ZNF621: variants seen among roughly 807,000 people sequenced by gnomAD.
ZNF621 encodes zinc finger protein 621.
In ZNF621, 6 loss-of-function variants were observed where a neutral mutation model predicts 12.7. The ratio of observed to expected loss-of-function variants is 0.47; its 90% CI spans 0.26 to 0.93. The LOEUF (loss-of-function observed/expected upper bound fraction) is 0.93. Ranked by LOEUF, ZNF621 falls within the 40% of genes least tolerant of loss-of-function variation. The pLI is 0.15. For missense variants in ZNF621, 474 were observed against 524.0 expected (o/e 0.90, Z 0.93); for synonymous variants, 156 against 190.3 (o/e 0.82, Z 1.48).
rs1367240361 is a variant in ZNF621, at chr3:40,533,198, T to TG, written c.*110dup. ...CTCTGTCACCCAGGCTAGAGTGCGG[T>TG]GGTGTGATCTTGGCTCACTGCAACC... is the stretch of plus-strand genomic sequence containing the variant. On this transcript the variant is annotated 3_prime_UTR_variant, in exon 5 of 5. Coordinates refer to ENST00000339296, the MANE Select transcript of ZNF621 (RefSeq NM_198484.5). The TG allele has an allele frequency of 1.4e-6, 2 of 1,453,858 alleles. No homozygotes were observed. The highest frequency in any genetic ancestry group is 2.9e-5 in the African/African-American group (2 of 70,026). The allele number at this position is 1,453,858 out of a possible 1,614,324, so 90.1% of individuals were successfully genotyped here.
chr3:40,530,913 C>T (rs950097951), intron 4 of ZNF621, among the ~76,000 whole-genome samples: 2 of 152,192 alleles, frequency 1.3e-5, no homozygotes, highest in East Asian at 1.9e-4. Flanking sequence ...CATGCACACA[C>T]GCACATGTGC....
At chr3:40,530,549 G>C (rs1698699982) in intron 4 of ZNF621, among the ~76,000 whole-genome samples, 2 of 152,182 alleles carry the variant, frequency 1.3e-5, no homozygotes, top group African/African-American at 4.8e-5. Flanking sequence ...AGGCAGAAAA[G>C]CTGTGACCCA....
chr3:40,523,800 A>AAAAAAACC (rs1553659373), upstream of ZNF621, among the ~76,000 whole-genome samples: 14 of 147,676 alleles, frequency 9.5e-5, no homozygotes. Flanking sequence ...AGCAAAAAAA[A>AAAAAAACC]AAAAAACAAA....
At position 40,533,428 on chromosome 3, in the gene ZNF621, AC is replaced by A. The variant is rs1373246538; in HGVS notation, c.*339del. 3.9e-6 allele frequency: 1 copy of A among 258,662 alleles called. No individual in the cohort carries two copies. The allele number at this position is 258,662 out of a possible 1,614,324, so 16.0% of individuals were successfully genotyped here. On this transcript the variant is annotated 3_prime_UTR_variant, in exon 5 of 5. Transcript: ENST00000339296. Reference sequence around the variant, plus strand: ...AGTGCTGGGATTACAGGAGTGAGCCACTGTGCCCAGCCTCCAACCTAATTTG... The same window carrying A: ...AGTGCTGGGATTACAGGAGTGAGCCATGTGCCCAGCCTCCAACCTAATTTG...
rs1024573953 is a variant in ZNF621, at chr3:40,536,821, G to A, written c.*3731G>A. 1 of 152,070 alleles carries A rather than the reference G, an allele frequency of 6.6e-6. No homozygotes were observed. Among genetic ancestry groups the A allele is most frequent in the African/African-American group, 2.4e-5 (1 of 41,396 alleles). 9.4% of individuals were successfully genotyped at this position (152,070 alleles called of 1,614,324 possible). On this transcript the variant is annotated 3_prime_UTR_variant, in exon 5 of 5. Coordinates refer to ENST00000339296, the MANE Select transcript of ZNF621 (RefSeq NM_198484.5). ...CTATCAGTGCCATTTTTTTTCAACA[G>A]CATGTGCTCATTTCATTTTTCTGTG...
At chr3:40,529,250 G>C (rs1698659867) in intron 2 of ZNF621, 69 bp from the exon 3 acceptor site, 6 of 1,567,612 alleles carry the variant, frequency 3.8e-6, no homozygotes. Flanking sequence ...TCCCTTCCCT[G>C]AAGCTCAAGC....
Position 40,529,409 on chromosome 3 carries a change from G to A in ZNF621, c.115G>A (p.Val39Met), listed in dbSNP as rs1439766454. Residue 39 changes from valine to methionine, a missense_variant, in exon 3 of 5, where the codon GTG (valine) becomes ATG (methionine). Val to Met is a conservative substitution (Grantham distance 21, BLOSUM62 1). Coordinates refer to ENST00000339296, the MANE Select transcript of ZNF621 (RefSeq NM_198484.5). ...DPAQRALYGE[V>M]MLENYANVAS... Reference sequence around the variant, plus strand: ...TGCGCAGAGGGCCCTGTACGGGGAGGTGATGCTGGAGAATTATGCAAATGT... The same window carrying A: ...TGCGCAGAGGGCCCTGTACGGGGAGATGATGCTGGAGAATTATGCAAATGT... 5 of 1,613,584 alleles carry A rather than the reference G, an allele frequency of 3.1e-6. No homozygotes were observed. Among genetic ancestry groups the A allele is most frequent in the East Asian group, 2.2e-5 (1 of 44,870 alleles).
intron 2 of ZNF621, among the ~76,000 whole-genome samples, chr3:40,527,851 A>G (rs556122050): frequency 1.1e-4 from 16 of 152,362 alleles, no homozygotes; most frequent in Admixed American, 2.6e-4. Flanking sequence ...GGTACTTAAA[A>G]TAGTTTTTTA....
Position 40,536,788 on chromosome 3 carries a change from G to C in ZNF621, c.*3698G>C, listed in dbSNP as rs1698875374. 6.6e-6 allele frequency: 1 copy of C among 152,120 alleles called. No individual in the cohort carries two copies. Among genetic ancestry groups the C allele is most frequent in the Non-Finnish European group, 1.5e-5 (1 of 68,010 alleles). The allele number at this position is 152,120 out of a possible 1,614,324, so 9.4% of individuals were successfully genotyped here. A position where few individuals can be genotyped will look rare whatever the true frequency, so the allele number is the denominator to read the frequency against. ...TGAAGGTTTGTGGCAGGCCTGTGTT[G>C]AGCAAGACTATCAGTGCCATTTTTT... On this transcript the variant is annotated 3_prime_UTR_variant, in exon 5 of 5. Transcript: ENST00000339296.
chr3:40,534,222 C>T lies in ZNF621; in HGVS notation c.*1132C>T, dbSNP rs149452681. 1.6e-4 allele frequency: 24 copies of T among 151,580 alleles called. No individual in the cohort carries two copies. Among genetic ancestry groups the T allele is most frequent in the African/African-American group, 5.3e-4 (22 of 41,320 alleles). 9.4% of individuals were successfully genotyped at this position (151,580 alleles called of 1,614,324 possible). A position where few individuals can be genotyped will look rare whatever the true frequency, so the allele number is the denominator to read the frequency against. On this transcript the variant is annotated 3_prime_UTR_variant, in exon 5 of 5. Transcript: ENST00000339296. ...TAAAAATAATGGTGTAAAGCCAACT[C>T]GAGGGGAATCTGAATAAGCTTCCAA...
chr3:40,529,620 TTTTG>T (rs146039408), intron 3 of ZNF621, 175 bp downstream of exon 3: 61,835 of 1,458,122 alleles, frequency 0.042, 2,425 homozygotes, highest in East Asian at 0.19. Flanking sequence ...TGTTTGTTTG[TTTTG>T]TTTGTTTGTT....
rs937008577 is a variant in ZNF621 at position 40,535,619 on chromosome 3, A to G, written c.*2529A>G. 12 of 152,124 alleles carry G rather than the reference A, an allele frequency of 7.9e-5. No homozygotes were observed. Among genetic ancestry groups the G allele is most frequent in the Non-Finnish European group, 1.6e-4 (11 of 68,018 alleles). 9.4% of individuals were successfully genotyped at this position (152,124 alleles called of 1,614,324 possible). On this transcript the variant is annotated 3_prime_UTR_variant, in exon 5 of 5. Transcript: ENST00000339296. ...TTGGTAGGGTCTTCTGTCTTCAGCCAGGGTGTACCTGCTCGGTGGGAGTTG... is the reference window on the plus strand; with the variant it reads ...TTGGTAGGGTCTTCTGTCTTCAGCCGGGGTGTACCTGCTCGGTGGGAGTTG...
rs1698953237 is a variant in ZNF621, at chr3:40,539,542, G to A, written c.*6452G>A. The A allele has an allele frequency of 6.6e-6, 1 of 152,172 alleles. No homozygotes were observed. Among genetic ancestry groups the A allele is most frequent in the Non-Finnish European group, 1.5e-5 (1 of 68,030 alleles). The allele number at this position is 152,172 out of a possible 1,614,324, so 9.4% of individuals were successfully genotyped here. On this transcript the variant is annotated 3_prime_UTR_variant, in exon 5 of 5. Transcript: ENST00000339296. ...TAGGTACTGGAAAATAAAAATAATT[G>A]TGTGACTCCCTTTATTGTGTTAAAC... is the stretch of plus-strand genomic sequence containing the variant.
chr3:40,528,595 C>G (rs558286329), intron 2 of ZNF621, among the ~76,000 whole-genome samples: 2 of 152,272 alleles, frequency 1.3e-5, no homozygotes, highest in Non-Finnish European at 2.9e-5. Context: ...AAGTGGCTGT[C>G]CCATTTCGCA....
Position 40,532,400 on chromosome 3 carries a change from G to C in ZNF621, c.630G>C (p.Lys210Asn), listed in dbSNP as rs1698750131. 6.2e-7 allele frequency: 1 copy of C among 1,613,754 alleles called. No individual in the cohort carries two copies. Residue 210 changes from lysine to asparagine, a missense_variant, in exon 5 of 5, where the codon AAG (lysine) becomes AAC (asparagine). Physicochemically the swap from Lys to Asn is moderately conservative, Grantham distance 94. Transcript: ENST00000339296. The stretch of plus-strand genomic sequence containing the variant: ...TTGGAGAAGGGCCCTATGAATGTAA[G>C]GAGTGTGGCAAAGGTTTGAGTTCCA... ...NHIGEGPYEC[K>N]ECGKGLSSNT...
At position 40,525,783 on chromosome 3, in the gene ZNF621, T is replaced by G. The variant is rs772515153; in HGVS notation, c.-58T>G. On this transcript the variant is annotated 5_prime_UTR_variant, in exon 2 of 5. An upstream open reading frame in the 5' UTR loses its in-frame stop. Coordinates refer to ENST00000339296, the MANE Select transcript of ZNF621 (RefSeq NM_198484.5). Reference sequence around the variant, plus strand: ...TCATGGCTCTTTTTCTCTTAGCTCTTGAGGATCTTGCTTGTCCAAACCCAG... The same window carrying G: ...TCATGGCTCTTTTTCTCTTAGCTCTGGAGGATCTTGCTTGTCCAAACCCAG... 8.1e-6 allele frequency: 13 copies of G among 1,614,046 alleles called. No homozygotes were observed. Among genetic ancestry groups the G allele is most frequent in the Non-Finnish European group, 1.1e-5 (13 of 1,179,928 alleles).
intron 4 of ZNF621, among the ~76,000 whole-genome samples, chr3:40,530,894 A>G (rs1354032250): frequency 6.6e-6 from 1 of 152,168 alleles, no homozygotes; most frequent in African/African-American, 2.4e-5. Flanking sequence ...ACATGCATAC[A>G]CACAAACACA....
chr3:40,532,750 C>A lies in ZNF621; in HGVS notation c.980C>A (p.Ala327Asp). The A allele has an allele frequency of 6.2e-7, 1 of 1,614,150 alleles. No homozygotes were observed. The highest frequency in any genetic ancestry group is 2.2e-5 in the East Asian group (1 of 44,884). Residue 327 changes from alanine to aspartate, a missense_variant, in exon 5 of 5, where the codon GCC becomes GAC. Physicochemically the swap from Ala to Asp is moderately radical, Grantham distance 126 (BLOSUM62 -2). Transcript: ENST00000339296. ...TATGAATGTAAGGTGTGTGGGAAAG[C>A]CTTCAAATGGTATGGAAGTTTTGTT... is the stretch of plus-strand genomic sequence containing the variant. ...KPYECKVCGK[A>D]FKWYGSFVQH... is the part of the protein sequence containing the mutation.
rs899074930 is a variant in ZNF621 at position 40,532,516 on chromosome 3, C to T, written c.746C>T (p.Ala249Val). 2 of 1,614,010 alleles carry T rather than the reference C, an allele frequency of 1.2e-6. No individual in the cohort carries two copies. Among genetic ancestry groups the T allele is most frequent in the African/African-American group, 1.3e-5 (1 of 74,888 alleles). The stretch of plus-strand genomic sequence containing the variant: ...GGAAAGGCTTTCCGTAGGAGTGCGG[C>T]ATACCTGCAGCATCAGAGATTACAC... ...ECGKAFRRSA[A>V]YLQHQRLHTG... Residue 249 changes from alanine to valine, a missense_variant, in exon 5 of 5, where the codon GCA becomes GTA. Transcript: ENST00000339296.
Sources: gnomAD v4.1 joint callset for allele counts (sites outside exome capture counted in the v4.1 genomes callset) on GRCh38, gnomAD v4.1.1 for gene constraint, MANE v1.5 for transcripts, NCBI Gene and HGNC (gene_info 2026-07-23, HGNC 2026-07-21) for gene names.